The following FAM219A variants were observed in gnomAD, a reference collection of about 807,000 sequenced individuals.
FAM219A encodes family with sequence similarity 219 member A, also known as protein FAM219A.
In FAM219A, 7 loss-of-function variants were observed where a neutral mutation model predicts 23.4. The ratio of observed to expected loss-of-function variants is 0.30; its 90% CI spans 0.17 to 0.56. The LOEUF (loss-of-function observed/expected upper bound fraction) is 0.56, where lower values mean the gene tolerates loss of function less well. Among genes scored for constraint, FAM219A ranks in the 20% least tolerant of loss-of-function variants. The pLI, the probability that FAM219A is intolerant of heterozygous loss-of-function variation, is 0.92. For synonymous variants in FAM219A, 93 were observed against 99.0 expected (o/e 0.94, Z 0.36); for missense variants, 166 against 246.9 (o/e 0.67, Z 2.20).
At chr9:34,404,427 G>T (rs1383255792) in intron 2 of FAM219A, among the ~76,000 whole-genome samples, 1 of 152,242 alleles carries the variant, frequency 6.6e-6, no homozygotes, top group African/African-American at 2.4e-5. Context: ...ACAATAATAG[G>T]CTGGGTATGG....
At chr9:34,452,493 T>C in intron 1 of FAM219A, among the ~76,000 whole-genome samples, 1 of 152,038 alleles carries the variant, frequency 6.6e-6, no homozygotes, top group East Asian at 1.9e-4. Context: ...TATCATATCT[T>C]GCCTATTCCA....
At chr9:34,452,898 A>G (rs1823605640) in intron 1 of FAM219A, among the ~76,000 whole-genome samples, 1 of 152,062 alleles carries the variant, frequency 6.6e-6, no homozygotes, top group South Asian at 2.1e-4. Context: ...AGTGCTCACT[A>G]TTCTATAGTG....
At chr9:34,402,340 AC>A in intron 4 of FAM219A, 46 bp downstream of exon 4, 1 of 1,614,208 alleles carries the variant, frequency 6.2e-7, no homozygotes, top group Non-Finnish European at 8.5e-7. Context: ...CTTGTGCTAT[AC>A]AGGTTCCTTT....
chr9:34,451,250 AT>A (rs1823551555), intron 1 of FAM219A, among the ~76,000 whole-genome samples: 1 of 152,112 alleles, frequency 6.6e-6, no homozygotes, highest in Non-Finnish European at 1.5e-5. Flanking sequence ...TCATGTGCCA[AT>A]TTCTAAACTC....
At chr9:34,438,397 C>G (rs1823012448) in intron 1 of FAM219A, among the ~76,000 whole-genome samples, 1 of 152,216 alleles carries the variant, frequency 6.6e-6, no homozygotes, top group African/African-American at 2.4e-5. Flanking sequence ...CTGGGTGAAG[C>G]CAGCTGGGTT....
intron 3 of FAM219A, 101 bp from the exon 4 acceptor site, chr9:34,402,568 C>G: frequency 6.4e-7 from 1 of 1,565,656 alleles, no homozygotes; most frequent in Non-Finnish European, 8.7e-7. Context: ...CCCTCCCTCC[C>G]CACCTTGGAT....
At chr9:34,440,926 C>T (rs1322067759) in intron 1 of FAM219A, among the ~76,000 whole-genome samples, 1 of 152,054 alleles carries the variant, frequency 6.6e-6, no homozygotes, top group Non-Finnish European at 1.5e-5. Flanking sequence ...TGGCTATTCA[C>T]AGGCCTGATC....
chr9:34,405,387 G>C (rs1270440657), intron 2 of FAM219A, among the ~76,000 whole-genome samples: 1 of 152,178 alleles, frequency 6.6e-6, no homozygotes, highest in Admixed American at 6.5e-5. Flanking sequence ...AAGAAACGAA[G>C]GGAAAACTCC....
intron 2 of FAM219A, 141 bp downstream of exon 2, chr9:34,405,724 C>G (rs1235426556): frequency 2.7e-6 from 2 of 752,886 alleles, no homozygotes; most frequent in Admixed American, 2.5e-5. Flanking sequence ...AGACAAGGTG[C>G]CTCGCAGTGC....
Position 34,400,742 on chromosome 9 carries a change from C to T in FAM219A, c.*222G>A. 1 of 443,170 alleles carries T rather than the reference C, an allele frequency of 2.3e-6. No individual in the cohort carries two copies. Among genetic ancestry groups the T allele is most frequent in the Non-Finnish European group, 3.9e-6 (1 of 257,294 alleles). 27.5% of individuals were successfully genotyped at this position (443,170 alleles called of 1,614,324 possible). A position where few individuals can be genotyped will look rare whatever the true frequency, so the allele number is the denominator to read the frequency against. ...TGAACAAACGGCCCCCACCCCTCCT[C>T]AGCTCCCGGGTGGAGAGAGACCCAG... On this transcript the variant is annotated 3_prime_UTR_variant, in exon 6 of 6. Transcript: ENST00000651358.
intron 1 of FAM219A, among the ~76,000 whole-genome samples, chr9:34,407,478 T>G (rs1233927038): frequency 6.6e-6 from 1 of 151,884 alleles, no homozygotes; most frequent in Non-Finnish European, 1.5e-5. Flanking sequence ...TATCAACTTA[T>G]CACCCATTCT....
chr9:34,430,931 G>A (rs1191200693), intron 1 of FAM219A, among the ~76,000 whole-genome samples: 8 of 152,186 alleles, frequency 5.3e-5, no homozygotes, highest in African/African-American at 1.7e-4. Context: ...GGCACAAACA[G>A]GAGGAGCTCT....
intron 1 of FAM219A, among the ~76,000 whole-genome samples, chr9:34,439,257 G>A (rs542598356): frequency 9.5e-4 from 144 of 152,280 alleles, no homozygotes; most frequent in African/African-American, 3.3e-3. Context: ...CACCAATTCC[G>A]GACACACTTC....
At chr9:34,428,567 TTTC>T (rs746066836) in intron 1 of FAM219A, among the ~76,000 whole-genome samples, 5 of 152,232 alleles carry the variant, frequency 3.3e-5, no homozygotes, top group South Asian at 2.1e-4. Context: ...TCCTGCACTG[TTTC>T]TTCTTCTGAA....
intron 1 of FAM219A, among the ~76,000 whole-genome samples, chr9:34,426,813 G>A (rs1217126380): frequency 6.6e-6 from 1 of 152,176 alleles, no homozygotes; most frequent in Non-Finnish European, 1.5e-5. Flanking sequence ...TCCCTCCTCT[G>A]AACTGGGCTG....
chr9:34,443,412 G>A (rs1823256362), intron 1 of FAM219A, among the ~76,000 whole-genome samples: 1 of 152,078 alleles, frequency 6.6e-6, no homozygotes, highest in South Asian at 2.1e-4. Context: ...CTCCAGCCTG[G>A]CCTCACCACA....
At chr9:34,408,771 C>T (rs1373373837) in intron 1 of FAM219A, among the ~76,000 whole-genome samples, 1 of 152,210 alleles carries the variant, frequency 6.6e-6, no homozygotes, top group Admixed American at 6.5e-5. Context: ...AATCCTGCTT[C>T]TCCTCCTTAA....
intron 1 of FAM219A, among the ~76,000 whole-genome samples, chr9:34,427,408 A>G (rs538837506): frequency 6.6e-6 from 1 of 152,236 alleles, no homozygotes; most frequent in East Asian, 1.9e-4. Flanking sequence ...ATCACCTCTT[A>G]AAAGAAGCTT....
intron 2 of FAM219A, among the ~76,000 whole-genome samples, chr9:34,403,287 TTTATTCAGCCAC>T (rs993588888): frequency 6.6e-6 from 1 of 152,220 alleles, no homozygotes; most frequent in Non-Finnish European, 1.5e-5. Context: ...GTAAAATTCA[TTTATTCAGCCAC>T]TTATTCAACA....
Sources: allele counts gnomAD v4.1 joint callset (sites outside exome capture counted in the v4.1 genomes callset), GRCh38; gene constraint gnomAD v4.1.1; transcripts MANE v1.5; gene names NCBI Gene and HGNC (gene_info 2026-07-23, HGNC 2026-07-21).